The following SLC8A2 variants were observed in gnomAD, a reference collection of about 807,000 sequenced individuals.
SLC8A2 encodes solute carrier family 8 member A2.
SLC8A2 carries 14 observed loss-of-function variants against 70.2 expected under a neutral mutation model. The ratio of observed to expected loss-of-function variants is 0.20; its 90% CI spans 0.13 to 0.31. The LOEUF (loss-of-function observed/expected upper bound fraction) is 0.31. Among genes scored for constraint, SLC8A2 ranks in the 10% least tolerant of loss-of-function variants. The pLI is 1.00. For synonymous variants in SLC8A2, 575 were observed against 594.3 expected (o/e 0.97, Z 0.47); for missense variants, 779 against 1,320.1 (o/e 0.59, Z 6.35).
In SLC8A2 at chr19:47,471,111, A is replaced by T. The variant is rs147385105; in HGVS notation, c.-17+678T>A. On this transcript the variant is annotated intron_variant, in intron 1 of 9. Coordinates refer to ENST00000236877, the MANE Select transcript of SLC8A2 (RefSeq NM_015063.3). ...GAGATATCCAGAGACAGAGATGGAG[A>T]CGAGGGGGAGATGGGGAGGGAGGGA... Among the ~76,000 whole-genome samples the T allele has an allele frequency of 5.5e-3, 825 of 150,846 alleles. 5 individuals are homozygous for T. The highest frequency in any genetic ancestry group is 9.5e-3 in the Non-Finnish European group (640 of 67,660).
intron 3 of SLC8A2, among the ~76,000 whole-genome samples, chr19:47,455,202 G>A (rs1287411052): frequency 1.4e-4 from 21 of 152,124 alleles, no homozygotes; most frequent in Admixed American, 1.3e-3. Context: ...GAAGAGAAGG[G>A]TTAAAGGGAT....
chr19:47,440,660 C>T lies in SLC8A2; in HGVS notation c.1885+509G>A, dbSNP rs532728012. On this transcript the variant is annotated intron_variant, in intron 6 of 9. Coordinates refer to ENST00000236877, the MANE Select transcript of SLC8A2 (RefSeq NM_015063.3). The stretch of plus-strand genomic sequence containing the variant: ...AGCGTGGAGTGCAATGGCGCGATCT[C>T]GGCTCACCGCAACCTCCACCTCCCG... Among the ~76,000 whole-genome samples the T allele has an allele frequency of 4.6e-5, 7 of 150,794 alleles. No homozygotes were observed. In the South Asian group the frequency reaches 1.3e-3, roughly 27 times the overall value.
In SLC8A2 at chr19:47,457,181, G is replaced by A. The variant is rs1327190553; in HGVS notation, c.1089C>T (p.Gly363=). The A allele has an allele frequency of 6.5e-7, 1 of 1,544,546 alleles. No homozygotes were observed. Among genetic ancestry groups the A allele is most frequent in the Non-Finnish European group, 8.7e-7 (1 of 1,145,084 alleles). The change falls in exon 3 of 10, where the codon GGC becomes GGT. Residue 363 remains glycine, a synonymous_variant. Coordinates refer to ENST00000236877, the MANE Select transcript of SLC8A2 (RefSeq NM_015063.3). ...YRIQATRLMT[G]AGNVLRRHAA... ...CGTGTCTGCGCAGCACGTTCCCGGC[G>A]CCGGTCATCAGCCGCGTGGCCTGGA...
intron 4 of SLC8A2, among the ~76,000 whole-genome samples, chr19:47,442,141 A>C (rs932050022): frequency 9.9e-5 from 15 of 152,132 alleles, no homozygotes; most frequent in African/African-American, 3.4e-4. Flanking sequence ...AAGCGGTATG[A>C]GCTCATGGTT....
Position 47,457,431 on chromosome 19 carries a change from A to T in SLC8A2, c.839T>A (p.Ile280Asn). Residue 280 changes from isoleucine (I) to asparagine (N), a missense_variant, in exon 3 of 10, where the codon ATC (isoleucine) becomes AAC (asparagine). This residue lies in a region of SLC8A2 where 186 missense variants were observed against 246.6 expected (regional missense o/e 0.75). Coordinates refer to ENST00000236877, the MANE Select transcript of SLC8A2 (RefSeq NM_015063.3). ...IGAEGDPPKS[I>N]ELDGTFVGAE... ...GCCCACGAACGTGCCGTCCAGCTCG[A>T]TGCTCTTCGGGGGGTCGCCCTCGGC... The T allele has an allele frequency of 1.2e-6, 2 of 1,600,688 alleles. No homozygotes were observed. Among genetic ancestry groups the T allele is most frequent in the Non-Finnish European group, 1.7e-6 (2 of 1,175,318 alleles).
At position 47,438,070 on chromosome 19, in the gene SLC8A2, T is replaced by A. The variant is rs190819857; in HGVS notation, c.1886-97A>T. 4.1e-6 allele frequency: 6 copies of A among 1,480,612 alleles called. No homozygotes were observed. In the African/African-American group the frequency reaches 6.9e-5, roughly 17 times the overall value. 91.7% of individuals were successfully genotyped at this position (1,480,612 alleles called of 1,614,324 possible). Reference sequence around the variant, plus strand: ...TGTCCCCATAGTTAGAGAAAGCCTATCTGTTCTCCTCTGGGAAGCTCCTTG... The same window carrying A: ...TGTCCCCATAGTTAGAGAAAGCCTAACTGTTCTCCTCTGGGAAGCTCCTTG... On this transcript the variant is annotated intron_variant, in intron 6 of 9. Coordinates refer to ENST00000236877, the MANE Select transcript of SLC8A2 (RefSeq NM_015063.3).
At chr19:47,435,364 G>A (rs185940654) in intron 8 of SLC8A2, among the ~76,000 whole-genome samples, 29 of 152,124 alleles carry the variant, frequency 1.9e-4, no homozygotes, top group East Asian at 7.7e-4. Flanking sequence ...CACGATGTAC[G>A]CTGGGTCTCT....
At chr19:47,439,269 T>C (rs1967069112) in intron 6 of SLC8A2, among the ~76,000 whole-genome samples, 1 of 152,202 alleles carries the variant, frequency 6.6e-6, no homozygotes, top group South Asian at 2.1e-4. Flanking sequence ...GGCTCATGTC[T>C]GTAATCCCAG....
chr19:47,455,036 G>A (rs1030515301), intron 3 of SLC8A2, among the ~76,000 whole-genome samples: 13 of 152,018 alleles, frequency 8.6e-5, no homozygotes, highest in East Asian at 7.7e-4. Context: ...GCAGTGAGCC[G>A]AGATCGTACC....
Position 47,432,522 on chromosome 19 carries a change from T to G in SLC8A2, c.2111-77A>C. Reference sequence around the variant, plus strand: ...TACAGAGGCCCCATTTTGTCTAACTTCCTGACAGCAAGTCCCATTGAATGA... The same window carrying G: ...TACAGAGGCCCCATTTTGTCTAACTGCCTGACAGCAAGTCCCATTGAATGA... On this transcript the variant is annotated intron_variant, in intron 8 of 9. Transcript: ENST00000236877. This position sits in a 1 kb window ranked among gnomAD's most constrained non-coding sequence, Gnocchi z 6.2. 3.5e-6 allele frequency: 5 copies of G among 1,409,054 alleles called. No homozygotes were observed. The highest frequency in any genetic ancestry group is 4.8e-6 in the Non-Finnish European group (5 of 1,048,928). The allele number at this position is 1,409,054 out of a possible 1,614,324, so 87.3% of individuals were successfully genotyped here.
chr19:47,465,674 T>C lies in SLC8A2; in HGVS notation c.675+55A>G, dbSNP rs558381773. ...CAACACTCCAAGCCAAGAGCACCTC[T>C]CTGGATTTTGCAGACACACATGCAC... is the stretch of plus-strand genomic sequence containing the variant. On this transcript the variant is annotated intron_variant, in intron 2 of 9. Transcript: ENST00000236877. This position sits in a 1 kb window ranked among gnomAD's most constrained non-coding sequence, Gnocchi z 5.5. The C allele has an allele frequency of 2.9e-5, 41 of 1,438,316 alleles. No individual in the cohort carries two copies. The East Asian group carries it at 8.6e-4, about 30-fold the overall frequency. The allele number at this position is 1,438,316 out of a possible 1,614,324, so 89.1% of individuals were successfully genotyped here.
intron 1 of SLC8A2, among the ~76,000 whole-genome samples, chr19:47,467,667 G>C (rs1967480717): frequency 6.6e-6 from 1 of 151,910 alleles, no homozygotes; most frequent in Non-Finnish European, 1.5e-5. Context: ...GAGTTTGAGT[G>C]GCTATTACCG....
intron 1 of SLC8A2, among the ~76,000 whole-genome samples, chr19:47,471,559 G>T (rs1284084866): frequency 6.6e-6 from 1 of 152,018 alleles, no homozygotes; most frequent in African/African-American, 2.4e-5. Context: ...CAGTACCCAG[G>T]CGGTCCCCCT....
chr19:47,433,017 C>T (rs1966984294), intron 8 of SLC8A2, among the ~76,000 whole-genome samples: 1 of 152,062 alleles, frequency 6.6e-6, no homozygotes. Context: ...CCCGGAACTG[C>T]TTGCACCTAA....
intron 4 of SLC8A2, among the ~76,000 whole-genome samples, chr19:47,442,037 G>C (rs1040709410): frequency 2.6e-5 from 4 of 152,162 alleles, no homozygotes; most frequent in Admixed American, 6.5e-5. Context: ...GGGAGGTGGA[G>C]GTTGCAGTGA....
chr19:47,449,374 G>C (rs903264916), intron 3 of SLC8A2, among the ~76,000 whole-genome samples: 2 of 152,176 alleles, frequency 1.3e-5, no homozygotes, highest in Non-Finnish European at 2.9e-5. Context: ...CCAGACTGGA[G>C]TGCAGTGTCT....
rs1231199612 is a variant in SLC8A2 at position 47,447,916 on chromosome 19, G to C, written c.1656C>G (p.Arg552=). 1.3e-6 allele frequency: 2 copies of C among 1,569,518 alleles called. No individual in the cohort carries two copies. The highest frequency in any genetic ancestry group is 3.7e-5 in the Admixed American group (2 of 53,994). The change falls in exon 4 of 10, where the codon CGC becomes CGG. Residue 552 remains arginine, a synonymous_variant. Transcript: ENST00000236877. The surrounding 1 kb of genome is among the most constrained non-coding windows in gnomAD (Gnocchi z 5.1). ...TGCGGTAGGGAAGGCGCACGGTGCC[G>C]CGCGCGCCCGAGCTGCGCACGACGC... is the stretch of plus-strand genomic sequence containing the variant. ...DVRVVRSSGA[R]GTVRLPYRTV...
At chr19:47,463,184 G>C (rs1403846537) in intron 2 of SLC8A2, among the ~76,000 whole-genome samples, 1 of 151,560 alleles carries the variant, frequency 6.6e-6, no homozygotes, top group Non-Finnish European at 1.5e-5. Flanking sequence ...CTAGGCCTGA[G>C]TGCAGCGGCG....
chr19:47,435,391 A>C (rs1248286469), intron 8 of SLC8A2, among the ~76,000 whole-genome samples: 1 of 151,760 alleles, frequency 6.6e-6, no homozygotes, highest in Admixed American at 6.6e-5. Context: ...GCCACCTCCC[A>C]CCTCGTTTCA....
Sources: gnomAD v4.1 joint callset for allele counts (sites outside exome capture counted in the v4.1 genomes callset) on GRCh38, gnomAD v4.1.1 for gene constraint, gnomAD v4.1.1 regional missense constraint, Gnocchi (gnomAD v3.1) non-coding constraint, MANE v1.5 for transcripts, NCBI Gene and HGNC (gene_info 2026-07-23, HGNC 2026-07-21) for gene names.